The following MAGI1 variants were observed in gnomAD, a reference collection of about 807,000 sequenced individuals.
MAGI1 encodes the protein membrane associated guanylate kinase, WW and PDZ domain containing 1.
MAGI1 carries 58 observed loss-of-function variants against 139.9 expected under a neutral mutation model. That is an observed-to-expected ratio of 0.41 (90% confidence interval 0.34 to 0.52). MAGI1 has a LOEUF of 0.52. Among genes scored for constraint, MAGI1 ranks in the 20% least tolerant of loss-of-function variants. The pLI is 0.12. For synonymous variants in MAGI1, 812 were observed against 737.9 expected, an observed-to-expected ratio of 1.10 and a Z score of -1.63; for missense variants, 1,874 against 1,901.6, an observed-to-expected ratio of 0.99 and a Z score of 0.27.
At chr3:65,531,497 CAAT>C (rs2107850570) in intron 2 of MAGI1, among the ~76,000 whole-genome samples, 1 of 152,230 alleles carries the variant, frequency 6.6e-6, no homozygotes, top group South Asian at 2.1e-4. Context: ...TTATAACACA[CAAT>C]TATTATTTAC....
intron 1 of MAGI1, among the ~76,000 whole-genome samples, chr3:65,941,757 G>A (rs1397595534): frequency 1.3e-5 from 2 of 152,140 alleles, no homozygotes; most frequent in African/African-American, 4.8e-5. Context: ...ATGGCTTTCA[G>A]GCATTAAAGG....
At chr3:65,513,155 T>G (rs1306855576) in intron 2 of MAGI1, among the ~76,000 whole-genome samples, 2 of 31,930 alleles carry the variant, frequency 6.3e-5, no homozygotes, top group Non-Finnish European at 1.2e-4. Context: ...TGGGACGTAT[T>G]TCAAAATAAT....
At chr3:66,000,198 G>A (rs778986602) in intron 1 of MAGI1, among the ~76,000 whole-genome samples, 1 of 151,828 alleles carries the variant, frequency 6.6e-6, no homozygotes, top group Admixed American at 6.6e-5. Flanking sequence ...GAACGGTCTC[G>A]ATCTCCTGAC....
intron 2 of MAGI1, among the ~76,000 whole-genome samples, chr3:65,531,927 T>G (rs2078732298): frequency 6.6e-6 from 1 of 152,178 alleles, no homozygotes; most frequent in Non-Finnish European, 1.5e-5. Context: ...TAGCCATCAC[T>G]ATTATTATTT....
intron 1 of MAGI1, among the ~76,000 whole-genome samples, chr3:65,940,060 A>G (rs535563628): frequency 7.2e-4 from 109 of 152,300 alleles, no homozygotes; most frequent in Non-Finnish European, 1.3e-3. Context: ...TAGAAACAGA[A>G]TTTCTACATC....
intron 2 of MAGI1, among the ~76,000 whole-genome samples, chr3:65,497,987 C>A (rs550041216): frequency 1.3e-5 from 2 of 152,254 alleles, no homozygotes; most frequent in South Asian, 4.1e-4. Flanking sequence ...CCCAGCTATC[C>A]TCTGAGCAGC....
chr3:65,561,455 G>A (rs1001532729), intron 2 of MAGI1, among the ~76,000 whole-genome samples: 4 of 152,016 alleles, frequency 2.6e-5, no homozygotes, highest in African/African-American at 7.2e-5. Flanking sequence ...AACACAAGAA[G>A]CAAAATTCAA....
At chr3:65,982,647 A>T (rs959573392) in intron 1 of MAGI1, among the ~76,000 whole-genome samples, 3 of 152,196 alleles carry the variant, frequency 2.0e-5, no homozygotes, top group Non-Finnish European at 4.4e-5. Flanking sequence ...ATTAATTATC[A>T]GTGTCTTGTA....
intron 2 of MAGI1, among the ~76,000 whole-genome samples, chr3:65,533,929 A>T (rs2078830656): frequency 6.6e-6 from 1 of 152,096 alleles, no homozygotes; most frequent in African/African-American, 2.4e-5. Context: ...TAAATTCTAG[A>T]CTCAGAATGT....
At position 65,416,158 on chromosome 3, in the gene MAGI1, T is replaced by C. The variant is rs568807637; in HGVS notation, c.2167+13362A>G. Among the ~76,000 whole-genome samples the C allele has an allele frequency of 8.5e-4, 130 of 152,338 alleles. 1 individual carries two copies. In the South Asian group the frequency reaches 0.026, roughly 31 times the overall value. ...TGTTTATGTAACTATAAGAAAGCTT[T>C]TTAAAACATAGCTTTTACACAGGTT... On this transcript the variant is annotated intron_variant, in intron 12 of 22. Coordinates refer to ENST00000402939, the MANE Select transcript of MAGI1 (RefSeq NM_001033057.2).
chr3:65,804,287 AAC>A (rs1262283523), intron 1 of MAGI1, among the ~76,000 whole-genome samples: 2 of 142,712 alleles, frequency 1.4e-5, no homozygotes, highest in African/African-American at 5.2e-5. Context: ...AAAAAAAAAA[AAC>A]ACACACAGTG....
chr3:65,587,422 G>A (rs976470230), intron 2 of MAGI1, among the ~76,000 whole-genome samples: 8 of 151,276 alleles, frequency 5.3e-5, no homozygotes, highest in African/African-American at 1.9e-4. Context: ...TCGAAGTATG[G>A]TGTCTACTGA....
At chr3:65,979,596 T>G (rs1237509734) in intron 1 of MAGI1, among the ~76,000 whole-genome samples, 1 of 152,176 alleles carries the variant, frequency 6.6e-6, no homozygotes, top group Non-Finnish European at 1.5e-5. Flanking sequence ...CCCAAAGAAA[T>G]GAATATCCTT....
chr3:66,026,483 AC>A (rs2068268450), intron 1 of MAGI1, among the ~76,000 whole-genome samples: 1 of 151,854 alleles, frequency 6.6e-6, no homozygotes, highest in African/African-American at 2.4e-5. Flanking sequence ...CCTACTCATT[AC>A]CCTCAAAAAG....
intron 1 of MAGI1, among the ~76,000 whole-genome samples, chr3:65,644,727 G>T (rs1398821212): frequency 6.6e-6 from 1 of 152,180 alleles, no homozygotes; most frequent in Non-Finnish European, 1.5e-5. Context: ...GCCACGCACA[G>T]TGGCTCACGC....
At chr3:65,756,601 A>T (rs978648296) in intron 1 of MAGI1, among the ~76,000 whole-genome samples, 3 of 152,160 alleles carry the variant, frequency 2.0e-5, no homozygotes, top group Non-Finnish European at 4.4e-5. Flanking sequence ...TTTCATAAGC[A>T]TCTCTGTACA....
intron 1 of MAGI1, among the ~76,000 whole-genome samples, chr3:65,882,422 CACTCAGTTCCAT>C (rs753200651): frequency 1.2e-4 from 18 of 152,130 alleles, no homozygotes; most frequent in Admixed American, 3.9e-4. Context: ...GTTTTTATAT[CACTCAGTTCCAT>C]ACTCAAATTC....
At chr3:65,449,669 G>A (rs772352255) in intron 6 of MAGI1, among the ~76,000 whole-genome samples, 3 of 152,066 alleles carry the variant, frequency 2.0e-5, no homozygotes, top group Admixed American at 6.6e-5. Context: ...CCAGCCACTC[G>A]GGAGGCTGAG....
chr3:65,442,270 A>G (rs1218672227), intron 8 of MAGI1, among the ~76,000 whole-genome samples: 6 of 152,176 alleles, frequency 3.9e-5, no homozygotes, highest in African/African-American at 2.4e-5. Context: ...AGAAACACAC[A>G]AAGTCTGCAT....
Sources: gnomAD v4.1 joint callset for allele counts (sites outside exome capture counted in the v4.1 genomes callset) on GRCh38, gnomAD v4.1.1 for gene constraint, MANE v1.5 for transcripts, NCBI Gene and HGNC (gene_info 2026-07-23, HGNC 2026-07-21) for gene names.